OPCML: variants seen among roughly 807,000 people sequenced by gnomAD.
OPCML encodes the protein opioid binding protein/cell adhesion molecule like.
Under a neutral mutation model 37.8 loss-of-function variants are expected in OPCML, and 13 were observed. The ratio of observed to expected loss-of-function variants is 0.34; its 90% CI spans 0.22 to 0.55. The LOEUF (loss-of-function observed/expected upper bound fraction) is 0.55, where lower values mean the gene tolerates loss of function less well. OPCML is among the 20% of genes least tolerant of loss of function. The pLI is 0.91. For synonymous variants in OPCML, 176 were observed against 168.8 expected, an observed-to-expected ratio of 1.04 and a Z score of -0.33; for missense variants, 341 against 435.6, an observed-to-expected ratio of 0.78 and a Z score of 1.93.
chr11:132,569,742 T>C (rs1225511347), intron 3 of OPCML, among the ~76,000 whole-genome samples: 1 of 152,160 alleles, frequency 6.6e-6, no homozygotes, highest in Non-Finnish European at 1.5e-5. Flanking sequence ...TTAGATTACC[T>C]GCAAATAAGT....
chr11:133,460,709 G>T (rs985257113), intron 1 of OPCML, among the ~76,000 whole-genome samples: 2 of 151,700 alleles, frequency 1.3e-5, no homozygotes, highest in Non-Finnish European at 3.0e-5. Flanking sequence ...AAAAACTCAC[G>T]ACAAATAAAA....
At chr11:132,620,313 C>G (rs547844633) in intron 3 of OPCML, among the ~76,000 whole-genome samples, 1 of 152,314 alleles carries the variant, frequency 6.6e-6, no homozygotes, top group African/African-American at 2.4e-5. Context: ...CTTTCTCAGT[C>G]CAATATCCCA....
At chr11:132,764,328 T>C (rs948831420) in intron 2 of OPCML, among the ~76,000 whole-genome samples, 3 of 152,124 alleles carry the variant, frequency 2.0e-5, no homozygotes, top group Non-Finnish European at 4.4e-5. Context: ...ACCCAACAAG[T>C]GCATGCACAG....
At chr11:132,716,718 A>T (rs1326773392) in intron 2 of OPCML, among the ~76,000 whole-genome samples, 139 of 152,332 alleles carry the variant, frequency 9.1e-4, no homozygotes, top group Non-Finnish European at 2.2e-4. Flanking sequence ...AGCACTCTGA[A>T]GTCTAATTCC....
intron 1 of OPCML, among the ~76,000 whole-genome samples, chr11:133,308,611 C>G (rs779452400): frequency 3.3e-5 from 5 of 152,076 alleles, no homozygotes; most frequent in Non-Finnish European, 7.4e-5. Context: ...ATTTCCCAGC[C>G]CCATTCACTC....
At chr11:132,910,319 A>G (rs1317405281) in intron 2 of OPCML, among the ~76,000 whole-genome samples, 4 of 152,390 alleles carry the variant, frequency 2.6e-5, no homozygotes, top group South Asian at 2.1e-4. Flanking sequence ...GCCGGGCCCC[A>G]GAGCAGCCTG....
chr11:133,511,835 G>A (rs34606138), intron 1 of OPCML, among the ~76,000 whole-genome samples: 6,006 of 152,098 alleles, frequency 0.039, 176 homozygotes, highest in Non-Finnish European at 0.063. Flanking sequence ...AGAACTCTTA[G>A]TCTGTTTTAT....
chr11:132,572,938 T>C (rs1470729100), intron 3 of OPCML, among the ~76,000 whole-genome samples: 1 of 151,986 alleles, frequency 6.6e-6, no homozygotes, highest in Non-Finnish European at 1.5e-5. Context: ...CGATCTTTTG[T>C]AGTTTTTAAT....
At chr11:133,143,719 G>A (rs1372677735) in intron 1 of OPCML, among the ~76,000 whole-genome samples, 1 of 152,196 alleles carries the variant, frequency 6.6e-6, no homozygotes, top group African/African-American at 2.4e-5. Flanking sequence ...ATGAGGAAAG[G>A]GATGTTTATT....
chr11:132,781,212 G>T (rs1946997632), intron 2 of OPCML, among the ~76,000 whole-genome samples: 1 of 152,080 alleles, frequency 6.6e-6, no homozygotes, highest in Non-Finnish European at 1.5e-5. Flanking sequence ...GTCATTTCCG[G>T]ATAAGACAAA....
chr11:133,370,443 T>C (rs1309514869), intron 1 of OPCML, among the ~76,000 whole-genome samples: 1 of 101,780 alleles, frequency 9.8e-6, no homozygotes, highest in Non-Finnish European at 2.0e-5. Flanking sequence ...TGAGCCTAGA[T>C]AGAAAAAAGG....
intron 1 of OPCML, among the ~76,000 whole-genome samples, chr11:133,479,220 T>C (rs1264532895): frequency 6.6e-6 from 1 of 152,252 alleles, no homozygotes. Flanking sequence ...CTCAGACCCA[T>C]TGAATCAGAA....
At chr11:132,559,185 A>C (rs2096404930) in intron 3 of OPCML, among the ~76,000 whole-genome samples, 1 of 151,996 alleles carries the variant, frequency 6.6e-6, no homozygotes, top group African/African-American at 2.4e-5. Context: ...AGAGAGGGAG[A>C]GAGGAGCCAA....
At chr11:132,949,567 G>T (rs1412383238) in intron 1 of OPCML, among the ~76,000 whole-genome samples, 2 of 152,194 alleles carry the variant, frequency 1.3e-5, no homozygotes, top group African/African-American at 2.4e-5. Flanking sequence ...GACATTATCT[G>T]CCTTATAGTC....
chr11:132,493,888 T>C (rs546682109), intron 4 of OPCML, among the ~76,000 whole-genome samples: 4 of 152,358 alleles, frequency 2.6e-5, no homozygotes, highest in South Asian at 4.1e-4. Context: ...CCTGCTCCCA[T>C]GTGCATCTTT....
chr11:133,195,973 A>G (rs939856019), intron 1 of OPCML, among the ~76,000 whole-genome samples: 1 of 152,234 alleles, frequency 6.6e-6, no homozygotes, highest in Admixed American at 6.5e-5. Flanking sequence ...CCTTGAGCTT[A>G]AGGGCTCAGA....
chr11:133,228,889 T>A (rs1425675380), intron 1 of OPCML, among the ~76,000 whole-genome samples: 1 of 152,228 alleles, frequency 6.6e-6, no homozygotes, highest in Non-Finnish European at 1.5e-5. Flanking sequence ...AGCCCTTAAT[T>A]TCTGAAGCCA....
At chr11:133,239,594 C>A (rs762933233) in intron 1 of OPCML, among the ~76,000 whole-genome samples, 2 of 152,236 alleles carry the variant, frequency 1.3e-5, no homozygotes, top group Non-Finnish European at 2.9e-5. Context: ...AGACACCCCA[C>A]CCGCTGCCTG....
intron 2 of OPCML, among the ~76,000 whole-genome samples, chr11:132,854,355 T>A (rs1338319605): frequency 3.3e-5 from 5 of 152,192 alleles, no homozygotes; most frequent in Non-Finnish European, 7.3e-5. Context: ...TCCTTCTGGG[T>A]TTTATGGAGC....
Sources: allele counts gnomAD v4.1 joint callset (sites outside exome capture counted in the v4.1 genomes callset), GRCh38; gene constraint gnomAD v4.1.1; transcripts MANE v1.5; gene names NCBI Gene and HGNC (gene_info 2026-07-23, HGNC 2026-07-21).